STMN2: variants seen among roughly 807,000 people sequenced by gnomAD.
The protein encoded by STMN2 is stathmin 2.
A neutral mutation model predicts 24.1 loss-of-function variants in STMN2; 2 were observed. The ratio of observed to expected loss-of-function variants is 0.08; its 90% confidence interval spans 0.03 to 0.26. The LOEUF is 0.26. STMN2 is among the 10% of genes least tolerant of loss of function. The probability of loss-of-function intolerance (pLI) is 1.00; values close to 1 mark genes in which losing one functional copy is unlikely to be tolerated. For missense variants in STMN2, 114 were observed against 213.6 expected (o/e 0.53, Z 2.91); for synonymous variants, 83 against 77.5 (o/e 1.07, Z -0.37).
intron 1 of STMN2, among the ~76,000 whole-genome samples, chr8:79,624,333 A>T (rs1328908355): frequency 6.6e-6 from 1 of 151,790 alleles, no homozygotes; most frequent in Non-Finnish European, 1.5e-5. Context: ...GGGTGCCTGT[A>T]GTCCCAGCTA....
chr8:79,649,548 G>A (rs1810288737), intron 3 of STMN2, among the ~76,000 whole-genome samples: 1 of 152,102 alleles, frequency 6.6e-6, no homozygotes, highest in African/African-American at 2.4e-5. Flanking sequence ...GATTTTCATT[G>A]TCAGCAGTAA....
chr8:79,664,991 A>T lies in STMN2; in HGVS notation c.*117A>T. ...CATGGTTTAAAAAGAACTCATTATA[A>T]AAAAAAAAAAACAAAAAAAATCAAA... On this transcript the variant is annotated 3_prime_UTR_variant, in exon 5 of 5. Coordinates refer to ENST00000220876, the MANE Select transcript of STMN2 (RefSeq NM_007029.4). The T allele has an allele frequency of 1.9e-5, 15 of 807,068 alleles. No homozygotes were observed. The highest frequency in any genetic ancestry group is 2.6e-4 in the Middle Eastern group (1 of 3,810). 50.0% of individuals were successfully genotyped at this position (807,068 alleles called of 1,614,324 possible). A position where few individuals can be genotyped will look rare whatever the true frequency, so the allele number is the denominator to read the frequency against.
intron 3 of STMN2, among the ~76,000 whole-genome samples, chr8:79,647,920 G>A (rs1431949241): frequency 6.6e-6 from 1 of 152,160 alleles, no homozygotes; most frequent in East Asian, 1.9e-4. Context: ...CAACCAACAT[G>A]TATTTAGCAA....
chr8:79,645,194 G>A (rs1388104940), intron 3 of STMN2, among the ~76,000 whole-genome samples: 2 of 151,732 alleles, frequency 1.3e-5, no homozygotes, highest in East Asian at 1.9e-4. Context: ...AGCCATATGT[G>A]TATTTTTAAA....
intron 1 of STMN2, among the ~76,000 whole-genome samples, chr8:79,633,042 G>A (rs1809851460): frequency 6.6e-6 from 1 of 151,942 alleles, no homozygotes; most frequent in Non-Finnish European, 1.5e-5. Flanking sequence ...TCCCTTAGCC[G>A]GGTACATAAT....
chr8:79,624,990 AT>A (rs11321572), intron 1 of STMN2, among the ~76,000 whole-genome samples: 20,934 of 152,000 alleles, frequency 0.14, 1,583 homozygotes, highest in Non-Finnish European at 0.16. Flanking sequence ...TTCCTGTTTG[AT>A]TTTTTACAGC....
intron 3 of STMN2, among the ~76,000 whole-genome samples, chr8:79,647,045 A>G (rs1400178706): frequency 1.3e-5 from 2 of 152,138 alleles, no homozygotes; most frequent in Admixed American, 6.5e-5. Context: ...AGCAGTAAGG[A>G]GTCACTACAG....
chr8:79,654,830 T>G lies in STMN2; in HGVS notation c.289-41T>G, dbSNP rs373132907. ...GTGGGCCGTTATTCTGCTAGGTTTG[T>G]GTTTGGATAATTATAAGATGGCTAT... On this transcript the variant is annotated intron_variant, in intron 3 of 4. Coordinates refer to ENST00000220876, the MANE Select transcript of STMN2 (RefSeq NM_007029.4). The G allele has an allele frequency of 6.9e-6, 11 of 1,593,080 alleles. No homozygotes were observed. The African/African-American group carries it at 1.2e-4, about 18-fold the overall frequency.
At chr8:79,631,654 T>C (rs1255311368) in intron 1 of STMN2, among the ~76,000 whole-genome samples, 1 of 152,226 alleles carries the variant, frequency 6.6e-6, no homozygotes, top group Non-Finnish European at 1.5e-5. Context: ...ATGTAAGAAG[T>C]GTTCAAAATG....
At chr8:79,635,699 A>T (rs1585890458) in intron 1 of STMN2, among the ~76,000 whole-genome samples, 1 of 152,290 alleles carries the variant, frequency 6.6e-6, no homozygotes, top group East Asian at 1.9e-4. Flanking sequence ...AGTGGGAGCT[A>T]AACACTGAGC....
chr8:79,620,167 A>T (rs1221065366), intron 1 of STMN2, among the ~76,000 whole-genome samples: 3 of 148,112 alleles, frequency 2.0e-5, no homozygotes, highest in Non-Finnish European at 4.5e-5. Flanking sequence ...AATATATATT[A>T]TATATATATT....
At chr8:79,613,416 C>T (rs965606502) in intron 1 of STMN2, 2 of 985,314 alleles carry the variant, frequency 2.0e-6, no homozygotes, top group African/African-American at 1.7e-5. Context: ...GCGGTGCAGC[C>T]GGGGAGACCG....
chr8:79,627,543 A>C (rs1809685918), intron 1 of STMN2, among the ~76,000 whole-genome samples: 1 of 152,258 alleles, frequency 6.6e-6, no homozygotes, highest in African/African-American at 2.4e-5. Flanking sequence ...TTATTCTAAC[A>C]GTAGAAAAAG....
At chr8:79,643,228 C>CTA (rs34434345) in intron 3 of STMN2, among the ~76,000 whole-genome samples, 2,499 of 142,036 alleles carry the variant, frequency 0.018, 30 homozygotes, top group African/African-American at 0.031. Context: ...ACTAACTCGA[C>CTA]TATATATATA....
intron 1 of STMN2, among the ~76,000 whole-genome samples, chr8:79,631,636 G>A (rs1347852359): frequency 1.3e-5 from 2 of 152,030 alleles, no homozygotes; most frequent in Non-Finnish European, 2.9e-5. Context: ...AATTTGAACC[G>A]ATATAGTATG....
In STMN2 at chr8:79,664,829, G is replaced by A. The variant is rs772336347; in HGVS notation, c.495G>A (p.Ala165=). The A allele has an allele frequency of 2.2e-5, 35 of 1,612,906 alleles. No homozygotes were observed. The highest frequency in any genetic ancestry group is 1.3e-4 in the East Asian group (6 of 44,802). ...ERLQEKERHA[A]EVRRNKELQV... ...GTGTTTTTTAGGAGAGGCATGCTGC[G>A]GAGGTGCGCAGGAACAAGGAACTCC... is the stretch of plus-strand genomic sequence containing the variant. Residue 165 remains alanine, a synonymous_variant, in exon 5 of 5, where the codon GCG becomes GCA. Coordinates refer to ENST00000220876, the MANE Select transcript of STMN2 (RefSeq NM_007029.4).
intron 3 of STMN2, among the ~76,000 whole-genome samples, 189 bp downstream of exon 3, chr8:79,641,739 C>T (rs1039995462): frequency 7.3e-5 from 11 of 151,128 alleles, no homozygotes; most frequent in Non-Finnish European, 1.2e-4. Flanking sequence ...AGACACAGAG[C>T]CAGGCTAGTT....
At chr8:79,654,753 G>GGGAAAAA in intron 3 of STMN2, 118 bp from the exon 4 acceptor site, 2 of 1,148,306 alleles carry the variant, frequency 1.7e-6, no homozygotes, top group Non-Finnish European at 2.4e-6. Flanking sequence ...CTTGACAATA[G>GGGAAAAA]TGCTCAAGGC....
intron 1 of STMN2, among the ~76,000 whole-genome samples, chr8:79,628,886 G>A (rs1212602753): frequency 6.6e-6 from 1 of 152,112 alleles, no homozygotes; most frequent in Non-Finnish European, 1.5e-5. Flanking sequence ...GGCTTTAGGA[G>A]GATTACTTAC....
Sources: allele counts gnomAD v4.1 joint callset (sites outside exome capture counted in the v4.1 genomes callset), GRCh38; gene constraint gnomAD v4.1.1; transcripts MANE v1.5; gene names NCBI Gene and HGNC (gene_info 2026-07-23, HGNC 2026-07-21).